Variants in BAIAP2 observed in about 807,000 individuals in gnomAD.
BAIAP2 encodes the protein BAR/IMD domain containing adaptor protein 2.
In BAIAP2, 18 loss-of-function variants were observed where a neutral mutation model predicts 63.0. The ratio of observed to expected loss-of-function variants is 0.29; its 90% CI spans 0.20 to 0.42. BAIAP2 has a LOEUF of 0.42. BAIAP2 is among the 10% of genes least tolerant of loss of function. The probability of loss-of-function intolerance (pLI) is 1.00; values close to 1 mark genes in which losing one functional copy is unlikely to be tolerated. For synonymous variants in BAIAP2, 386 were observed against 307.6 expected, an observed-to-expected ratio of 1.25 and a Z score of -2.67; for missense variants, 610 against 734.3, an observed-to-expected ratio of 0.83 and a Z score of 1.96.
intron 3 of BAIAP2, among the ~76,000 whole-genome samples, chr17:81,058,675 G>T (rs1377922371): frequency 6.6e-6 from 1 of 152,242 alleles, no homozygotes; most frequent in Non-Finnish European, 1.5e-5. Context: ...TGACGCACAA[G>T]GAAGCCTGAG....
chr17:81,078,763 C>T (rs2054129012), intron 3 of BAIAP2, among the ~76,000 whole-genome samples: 1 of 152,062 alleles, frequency 6.6e-6, no homozygotes, highest in Admixed American at 6.6e-5. Flanking sequence ...AGCCTCCGCT[C>T]CTCTCTGGCT....
intron 7 of BAIAP2, among the ~76,000 whole-genome samples, chr17:81,101,553 T>G (rs2058482333): frequency 6.6e-6 from 1 of 152,114 alleles, no homozygotes; most frequent in South Asian, 2.1e-4. Context: ...CTTTCTAAAA[T>G]AAAGGGTTGC....
intron 6 of BAIAP2, chr17:81,086,897 G>T: frequency 3.7e-6 from 1 of 270,640 alleles, no homozygotes; most frequent in Non-Finnish European, 7.1e-6. Flanking sequence ...TCCGGTCCCA[G>T]TTTGTTCCTC....
chr17:81,093,936 C>G (rs1157894589), intron 6 of BAIAP2, among the ~76,000 whole-genome samples: 1 of 151,286 alleles, frequency 6.6e-6, no homozygotes, highest in South Asian at 2.1e-4. Flanking sequence ...CAACCCCTCC[C>G]CCCCACCACC....
intron 13 of BAIAP2, among the ~76,000 whole-genome samples, chr17:81,112,478 G>A (rs2060033487): frequency 6.6e-6 from 1 of 152,238 alleles, no homozygotes; most frequent in Non-Finnish European, 1.5e-5. Context: ...TCATGCCCCA[G>A]CTTTGGGCCC....
At chr17:81,100,824 A>C (rs1044247345) in intron 7 of BAIAP2, among the ~76,000 whole-genome samples, 1 of 151,984 alleles carries the variant, frequency 6.6e-6, no homozygotes, top group African/African-American at 2.4e-5. Flanking sequence ...CCTGGGACTC[A>C]AACCTGGTCA....
At chr17:81,048,678 G>A (rs2048201324) in intron 1 of BAIAP2, among the ~76,000 whole-genome samples, 1 of 152,204 alleles carries the variant, frequency 6.6e-6, no homozygotes, top group South Asian at 2.1e-4. Context: ...GGCCACCTCT[G>A]CAACTGATGG....
intron 6 of BAIAP2, among the ~76,000 whole-genome samples, chr17:81,091,534 C>T (rs984207920): frequency 1.3e-5 from 2 of 152,190 alleles, no homozygotes; most frequent in Non-Finnish European, 2.9e-5. Flanking sequence ...CTAGCTGTCT[C>T]CAGTGTATGC....
At chr17:81,115,176 C>T (rs565653470) in intron 13 of BAIAP2, among the ~76,000 whole-genome samples, 11 of 152,244 alleles carry the variant, frequency 7.2e-5, no homozygotes, top group Non-Finnish European at 1.5e-4. Flanking sequence ...CCTCGGGGGA[C>T]AGGTGGCTGA....
chr17:81,077,397 G>A (rs139722484), intron 3 of BAIAP2, among the ~76,000 whole-genome samples: 4,235 of 152,006 alleles, frequency 0.028, 75 homozygotes, highest in Middle Eastern at 0.11. Context: ...TGAAACCCCC[G>A]TCCCTGCTAA....
At chr17:81,075,473 T>C (rs7503597) in intron 3 of BAIAP2, among the ~76,000 whole-genome samples, 4 of 150,998 alleles carry the variant, frequency 2.6e-5, no homozygotes, top group Middle Eastern at 6.8e-3. Context: ...GCTCCCTTCC[T>C]GTGGGCCGCT....
chr17:81,081,189 C>G (rs1177126738), intron 3 of BAIAP2, among the ~76,000 whole-genome samples: 2 of 152,198 alleles, frequency 1.3e-5, no homozygotes, highest in African/African-American at 4.8e-5. Context: ...AACCGCAGGA[C>G]AGTTCCCTGG....
chr17:81,071,369 C>T (rs2052623314), intron 3 of BAIAP2, among the ~76,000 whole-genome samples: 1 of 152,190 alleles, frequency 6.6e-6, no homozygotes, highest in African/African-American at 2.4e-5. Context: ...TGAGGGCGCT[C>T]TGTTCGAGCC....
At position 81,115,967 on chromosome 17, in the gene BAIAP2, T is replaced by G; in HGVS notation, c.*128T>G. 6.6e-7 allele frequency: 1 copy of G among 1,512,588 alleles called. No homozygotes were observed. The allele number at this position is 1,512,588 out of a possible 1,614,324, so 93.7% of individuals were successfully genotyped here. A position where few individuals can be genotyped will look rare whatever the true frequency, so the allele number is the denominator to read the frequency against. The stretch of plus-strand genomic sequence containing the variant: ...CCCGGCTGCCTGGTCTTGCCCCACT[T>G]GAGTCTGGCCTGGACTGGATCCCAG... On this transcript the variant is annotated 3_prime_UTR_variant, in exon 14 of 14. Transcript: ENST00000428708.
chr17:81,095,919 T>A (rs1337919179), intron 6 of BAIAP2, among the ~76,000 whole-genome samples: 2 of 152,034 alleles, frequency 1.3e-5, no homozygotes, highest in Admixed American at 1.3e-4. Flanking sequence ...CTCGCTGTAC[T>A]CTCCCCTGGG....
At chr17:81,087,009 C>T (rs767536682) in intron 6 of BAIAP2, 1 of 177,680 alleles carries the variant, frequency 5.6e-6, no homozygotes, top group South Asian at 1.2e-4. Context: ...CTCACCGTCC[C>T]GCCGGCGTCA....
intron 13 of BAIAP2, 83 bp downstream of exon 13, chr17:81,108,592 G>A: frequency 1.9e-6 from 3 of 1,551,764 alleles, no homozygotes; most frequent in South Asian, 2.2e-5. Context: ...GCTAGGACCT[G>A]GGGCCACCTC....
At chr17:81,048,069 C>G (rs1226593246) in intron 1 of BAIAP2, among the ~76,000 whole-genome samples, 1 of 152,212 alleles carries the variant, frequency 6.6e-6, no homozygotes, top group Admixed American at 6.5e-5. Context: ...GCCAGCGTCA[C>G]AGGAAGGAGA....
chr17:81,054,885 C>A (rs998238896), intron 2 of BAIAP2, among the ~76,000 whole-genome samples: 1 of 152,146 alleles, frequency 6.6e-6, no homozygotes, highest in Non-Finnish European at 1.5e-5. Flanking sequence ...CTGTTGGCCC[C>A]GCAGGTGCCC....
Sources: gnomAD v4.1 joint callset for allele counts (sites outside exome capture counted in the v4.1 genomes callset) on GRCh38, gnomAD v4.1.1 for gene constraint, MANE v1.5 for transcripts, NCBI Gene and HGNC (gene_info 2026-07-23, HGNC 2026-07-21) for gene names.